CCDC144A: variants seen among roughly 807,000 people sequenced by gnomAD.
The protein encoded by CCDC144A is coiled-coil domain containing 144A, also known as coiled-coil domain-containing protein 144A.
Under a neutral mutation model 143.8 loss-of-function variants are expected in CCDC144A, and 41 were observed. That is an observed-to-expected ratio of 0.29 (90% CI 0.22 to 0.37). The LOEUF (loss-of-function observed/expected upper bound fraction) is 0.37, where lower values mean the gene tolerates loss of function less well. Among genes scored for constraint, CCDC144A ranks in the 10% least tolerant of loss-of-function variants. The probability of loss-of-function intolerance (pLI) is 1.00; values close to 1 mark genes in which losing one functional copy is unlikely to be tolerated. For synonymous variants in CCDC144A, 242 were observed against 517.9 expected (o/e 0.47, Z 7.23); for missense variants, 637 against 1,488.8 (o/e 0.43, Z 9.41).
At chr17:16,683,020 T>G in the CCDC144A span, among the ~76,000 whole-genome samples, 1 of 148,616 alleles carries the variant, frequency 6.7e-6, no homozygotes, top group Non-Finnish European at 1.5e-5. Context: ...TCCAGCCTCC[T>G]GCTTCTACTC....
intron 12 of CCDC144A, chr17:16,746,766 G>T: frequency 6.2e-7 from 1 of 1,600,390 alleles, no homozygotes; most frequent in East Asian, 2.2e-5. Context: ...ACCACCTGCG[G>T]GGAGCGCGCG....
At position 16,771,835 on chromosome 17, in the gene CCDC144A, T is replaced by C. The variant is rs539586352; in HGVS notation, c.4099-142T>C. ...TAAACTTAAAATAGGTAGGAATTTA[T>C]ATGATATTTTTAATTTAAGCAATCT... On this transcript the variant is annotated intron_variant, in intron 15 of 16. Coordinates refer to ENST00000399273, the MANE Select transcript of CCDC144A (RefSeq NM_001382000.1). 72 of 650,612 alleles carry C rather than the reference T, an allele frequency of 1.1e-4. No individual in the cohort carries two copies. In the South Asian group the frequency reaches 1.5e-3, roughly 13 times the overall value. The allele number at this position is 650,612 out of a possible 1,614,324, so 40.3% of individuals were successfully genotyped here. A position where few individuals can be genotyped will look rare whatever the true frequency, so the allele number is the denominator to read the frequency against.
chr17:16,734,677 C>G lies in CCDC144A; in HGVS notation c.2419-13C>G. 1 of 1,510,290 alleles carries G rather than the reference C, an allele frequency of 6.6e-7. No individual in the cohort carries two copies. Among genetic ancestry groups the G allele is most frequent in the Non-Finnish European group, 8.8e-7 (1 of 1,134,464 alleles). 93.6% of individuals were successfully genotyped at this position (1,510,290 alleles called of 1,614,324 possible). ...TTTATTGAGTGCTACTGAATGTTTC[C>G]TTTCTTACTTAGATTTCTCATAGGC... On this transcript the variant is annotated splice_polypyrimidine_tract_variant and intron_variant, in intron 11 of 16. Transcript: ENST00000399273.
chr17:16,686,723 A>T (rs1597518981), upstream of CCDC144A, among the ~76,000 whole-genome samples: 1 of 144,124 alleles, frequency 6.9e-6, no homozygotes, highest in South Asian at 2.2e-4. Flanking sequence ...GCTCACTGCA[A>T]CCTCTGCCTC....
At chr17:16,689,725 T>G (rs1910929408), upstream of CCDC144A, 2 of 152,266 alleles carry the variant, frequency 1.3e-5, no homozygotes, top group Non-Finnish European at 2.9e-5. Context: ...GCAGGCCGAG[T>G]AGGAGCTGGG....
At chr17:16,716,451 T>A (rs1445371874) in intron 6 of CCDC144A, among the ~76,000 whole-genome samples, 1 of 152,032 alleles carries the variant, frequency 6.6e-6, no homozygotes, top group Non-Finnish European at 1.5e-5. Flanking sequence ...CATAAAAAAG[T>A]AATTACAATT....
At chr17:16,748,351 A>G (rs1914634770) in intron 12 of CCDC144A, among the ~76,000 whole-genome samples, 1 of 152,152 alleles carries the variant, frequency 6.6e-6, no homozygotes, top group Non-Finnish European at 1.5e-5. Flanking sequence ...TGAGTTGATC[A>G]TATGGTTTTT....
At chr17:16,674,819 TATG>T in the CCDC144A span, among the ~76,000 whole-genome samples, 7 of 152,176 alleles carry the variant, frequency 4.6e-5, no homozygotes, top group Non-Finnish European at 4.4e-5. Context: ...TGAATGAAAT[TATG>T]AGTTGAGAAT....
intron 12 of CCDC144A, among the ~76,000 whole-genome samples, chr17:16,740,791 C>T (rs1413480698): frequency 6.6e-6 from 1 of 152,182 alleles, no homozygotes; most frequent in Non-Finnish European, 1.5e-5. Flanking sequence ...AATTTCAGTT[C>T]ATTGAAATCA....
At chr17:16,718,484 TG>T (rs1912903833) in intron 6 of CCDC144A, among the ~76,000 whole-genome samples, 1 of 152,208 alleles carries the variant, frequency 6.6e-6, no homozygotes, top group Admixed American at 6.5e-5. Context: ...GTCCTTAAAG[TG>T]TTTATTCACG....
At chr17:16,732,374 C>T (rs1269959989) in intron 10 of CCDC144A, among the ~76,000 whole-genome samples, 164 bp from the exon 11 acceptor site, 1 of 149,954 alleles carries the variant, frequency 6.7e-6, no homozygotes, top group East Asian at 2.0e-4. Context: ...ACAGATTTAG[C>T]TGTCATGTAT....
the CCDC144A span, chr17:16,667,224 G>T: frequency 4.7e-6 from 1 of 210,994 alleles, no homozygotes; most frequent in Non-Finnish European, 9.6e-6. Context: ...CGGCGGCGGG[G>T]GCGGCTGAGA....
At chr17:16,686,078 G>A (rs192429631), upstream of CCDC144A, among the ~76,000 whole-genome samples, 572 of 148,898 alleles carry the variant, frequency 3.8e-3, 6 homozygotes, top group African/African-American at 0.013. Flanking sequence ...CACCGAGCCC[G>A]GCTGTTTTTT....
At chr17:16,711,459 A>G (rs1912440282) in intron 5 of CCDC144A, among the ~76,000 whole-genome samples, 1 of 152,036 alleles carries the variant, frequency 6.6e-6, no homozygotes, top group Non-Finnish European at 1.5e-5. Context: ...ACAGAAATGA[A>G]GCTGACTTTA....
At chr17:16,679,088 CG>C in the CCDC144A span, among the ~76,000 whole-genome samples, 305 of 149,462 alleles carry the variant, frequency 2.0e-3, 1 homozygote, top group Non-Finnish European at 2.7e-3. Context: ...GTAGAGATGG[CG>C]GGGGGGGGTC....
chr17:16,761,381 G>A (rs1207681107), intron 12 of CCDC144A, 44 bp from the exon 13 acceptor site: 6 of 1,567,906 alleles, frequency 3.8e-6, no homozygotes, highest in African/African-American at 1.4e-5. Flanking sequence ...ACCATTCTCA[G>A]TCTACCTTCT....
chr17:16,687,569 T>G (rs1225207809), upstream of CCDC144A, among the ~76,000 whole-genome samples: 1 of 152,174 alleles, frequency 6.6e-6, no homozygotes, highest in Admixed American at 6.5e-5. Context: ...CTCTGCCATG[T>G]TCTCTTCCCT....
chr17:16,759,445 C>G (rs1335570342), intron 12 of CCDC144A, among the ~76,000 whole-genome samples: 4 of 152,148 alleles, frequency 2.6e-5, no homozygotes, highest in Non-Finnish European at 4.4e-5. Flanking sequence ...GGGAATCTGA[C>G]ATGTGGAGAG....
At chr17:16,727,799 G>C in intron 9 of CCDC144A, 59 bp downstream of exon 9, 1 of 1,557,416 alleles carries the variant, frequency 6.4e-7, no homozygotes, top group African/African-American at 1.4e-5. Flanking sequence ...CAGAATTTTT[G>C]TAACTGCTGA....
Sources: gnomAD v4.1 joint callset for allele counts (sites outside exome capture counted in the v4.1 genomes callset) on GRCh38, gnomAD v4.1.1 for gene constraint, MANE v1.5 for transcripts, NCBI Gene and HGNC (gene_info 2026-07-23, HGNC 2026-07-21) for gene names.